PIK3C2A: variants seen among roughly 807,000 people sequenced by gnomAD.
PIK3C2A encodes phosphatidylinositol 4-phosphate 3-kinase C2 domain-containing subunit alpha.
A neutral mutation model predicts 204.5 loss-of-function variants in PIK3C2A; 97 were observed. That is an observed-to-expected ratio of 0.47 (90% CI 0.40 to 0.56). The LOEUF is 0.56. PIK3C2A is among the 20% of genes least tolerant of loss of function. The probability of loss-of-function intolerance (pLI) is 0.00; values close to 1 mark genes in which losing one functional copy is unlikely to be tolerated. For synonymous variants in PIK3C2A, 653 were observed against 664.4 expected (o/e 0.98, Z 0.26); for missense variants, 1,735 against 1,969.2 (o/e 0.88, Z 2.25).
At chr11:17,107,274 T>C (rs981384846) in intron 22 of PIK3C2A, among the ~76,000 whole-genome samples, 16 of 151,968 alleles carry the variant, frequency 1.1e-4, no homozygotes, top group East Asian at 5.8e-4. Flanking sequence ...GATGGCGCCA[T>C]TGCACTCCAG....
intron 7 of PIK3C2A, 52 bp from the exon 8 acceptor site, chr11:17,145,783 T>G (rs758309237): frequency 6.4e-7 from 1 of 1,552,024 alleles, no homozygotes; most frequent in Non-Finnish European, 8.9e-7. Flanking sequence ...ACAAAATGAT[T>G]GTTTTCATCA....
intron 8 of PIK3C2A, chr11:17,141,185 T>A (rs1040606575): frequency 1.3e-5 from 2 of 152,210 alleles, no homozygotes; most frequent in African/African-American, 4.8e-5. Flanking sequence ...GATCTAACAC[T>A]TTTTAAAGGA....
At chr11:17,158,575 G>C (rs942514539) in intron 2 of PIK3C2A, among the ~76,000 whole-genome samples, 6 of 151,878 alleles carry the variant, frequency 4.0e-5, no homozygotes, top group African/African-American at 1.5e-4. Flanking sequence ...AATGTCACAT[G>C]CTTAATCACC....
chr11:17,100,709 A>G (rs901041241), intron 25 of PIK3C2A, among the ~76,000 whole-genome samples: 1 of 152,104 alleles, frequency 6.6e-6, no homozygotes, highest in African/African-American at 2.4e-5. Flanking sequence ...TCCAATGTCT[A>G]TTATTCTACT....
chr11:17,167,459 C>G (rs1192946661), intron 2 of PIK3C2A, among the ~76,000 whole-genome samples: 5 of 152,064 alleles, frequency 3.3e-5, no homozygotes, highest in Non-Finnish European at 7.4e-5. Context: ...CCGGTTTCTA[C>G]TAAAAATACA....
Position 17,155,524 on chromosome 11 carries a change from A to T in PIK3C2A, c.1169+2T>A. 6.6e-7 allele frequency: 1 copy of T among 1,518,778 alleles called. No individual in the cohort carries two copies. Among genetic ancestry groups the T allele is most frequent in the Non-Finnish European group, 9.1e-7 (1 of 1,103,490 alleles). The allele number at this position is 1,518,778 out of a possible 1,614,324, so 94.1% of individuals were successfully genotyped here. On this transcript the variant is annotated splice_donor_variant, in intron 3 of 32. Coordinates refer to ENST00000691414, the MANE Select transcript of PIK3C2A (RefSeq NM_002645.4). LOFTEE classifies it high-confidence loss of function. ...GAACATTTATAAAGAAAAATTCCTT[A>T]CTTTGTAATGGATCGACAAAAAGCT... is the stretch of plus-strand genomic sequence containing the variant.
intron 2 of PIK3C2A, 65 bp downstream of exon 2, chr11:17,168,612 T>G: frequency 8.8e-7 from 1 of 1,141,480 alleles, no homozygotes; most frequent in Non-Finnish European, 1.3e-6. Context: ...AAAACACAAA[T>G]TATGTACACA....
At chr11:17,108,313 C>T (rs771418447) in intron 22 of PIK3C2A, among the ~76,000 whole-genome samples, 15 of 152,170 alleles carry the variant, frequency 9.9e-5, no homozygotes, top group Non-Finnish European at 1.6e-4. Context: ...CAAAAATGTA[C>T]AAGTACATAG....
rs377045150 is a variant in PIK3C2A, at chr11:17,119,223, T to A, written c.2937A>T (p.Val979=). 1.7e-5 allele frequency: 26 copies of A among 1,572,552 alleles called. No individual in the cohort carries two copies. In the African/African-American group the frequency reaches 2.2e-4, roughly 13 times the overall value. The part of the protein sequence containing the change: ...DELTDLLPQF[V]QALKYEIYLN... ...GGTAATCTAGTAAAAAACTCACTTG[T>A]ACAAACTGTGGAAGAAGATCTGTTA... Residue 979 remains valine (V), a synonymous_variant, in exon 17 of 33, where the codon GTA becomes GTT. Transcript: ENST00000691414.
chr11:17,186,070 G>T (rs924772361), intron 1 of PIK3C2A, among the ~76,000 whole-genome samples: 3 of 152,184 alleles, frequency 2.0e-5, no homozygotes, highest in African/African-American at 7.2e-5. Context: ...CCATCACACT[G>T]GCCCCCTTGT....
intron 24 of PIK3C2A, among the ~76,000 whole-genome samples, 173 bp from the exon 25 acceptor site, chr11:17,101,607 CTT>C (rs768044410): frequency 9.3e-5 from 13 of 140,460 alleles, no homozygotes; most frequent in Non-Finnish European, 7.8e-5. Flanking sequence ...CTTTTTTTTT[CTT>C]TTTTTTTTTT....
intron 2 of PIK3C2A, among the ~76,000 whole-genome samples, chr11:17,166,206 G>C (rs990546307): frequency 6.6e-6 from 1 of 151,990 alleles, no homozygotes; most frequent in Non-Finnish European, 1.5e-5. Flanking sequence ...GGCCTCATAG[G>C]ATTCTTGTGA....
chr11:17,104,978 T>C (rs1848761241), intron 23 of PIK3C2A, among the ~76,000 whole-genome samples, 191 bp downstream of exon 23: 1 of 152,152 alleles, frequency 6.6e-6, no homozygotes, highest in Admixed American at 6.6e-5. Flanking sequence ...AATTTAGCAT[T>C]GGTTTCACTC....
chr11:17,115,399 G>A (rs975079355), intron 19 of PIK3C2A, among the ~76,000 whole-genome samples: 2 of 149,430 alleles, frequency 1.3e-5, no homozygotes, highest in Non-Finnish European at 3.0e-5. Context: ...AAAAAAGACA[G>A]GCATGGTGGC....
chr11:17,178,397 T>C (rs966194692), intron 1 of PIK3C2A, among the ~76,000 whole-genome samples: 2 of 152,246 alleles, frequency 1.3e-5, no homozygotes, highest in African/African-American at 4.8e-5. Context: ...ACAAAAAACA[T>C]GGTGAACAAG....
intron 3 of PIK3C2A, among the ~76,000 whole-genome samples, chr11:17,154,390 T>C (rs994871751): frequency 2.0e-5 from 3 of 152,254 alleles, no homozygotes; most frequent in Non-Finnish European, 2.9e-5. Context: ...TAATAAAATA[T>C]CACCAATGGT....
intron 1 of PIK3C2A, among the ~76,000 whole-genome samples, chr11:17,178,092 C>CA (rs750346823): frequency 0.01 from 669 of 63,838 alleles, 23 homozygotes; most frequent in African/African-American, 0.018. Context: ...GACTCCATCT[C>CA]AAAAAAAAAA....
rs1345888850 is a variant in PIK3C2A at position 17,150,560 on chromosome 11, G to A, written c.1265C>T (p.Ala422Val). 6.2e-7 allele frequency: 1 copy of A among 1,611,420 alleles called. No individual in the cohort carries two copies. Among genetic ancestry groups the A allele is most frequent in the East Asian group, 2.2e-5 (1 of 44,652 alleles). The change falls in exon 4 of 33, where the codon GCT (alanine) becomes GTT (valine). Residue 422 changes from alanine to valine, a missense_variant. Around this residue, in one of 6 missense-constraint regions of PIK3C2A, gnomAD observed 536 missense variants for 546.7 expected, o/e 0.98. Coordinates refer to ENST00000691414, the MANE Select transcript of PIK3C2A (RefSeq NM_002645.4). ...AATGTCAATGGAGACCTTCACACTA[G>A]CATTTTCTCCGCATATGTTTCTTTG... ...TAQRNICGEN[A>V]SVKVSIDIEG...
intron 1 of PIK3C2A, among the ~76,000 whole-genome samples, chr11:17,184,853 G>A (rs1471433087): frequency 6.6e-6 from 1 of 152,082 alleles, no homozygotes; most frequent in Non-Finnish European, 1.5e-5. Flanking sequence ...TGAGGTGGGA[G>A]GATCATTTGA....
Sources: allele counts gnomAD v4.1 joint callset (sites outside exome capture counted in the v4.1 genomes callset), GRCh38; gene constraint gnomAD v4.1.1; regional missense constraint gnomAD v4.1.1; transcripts MANE v1.5; gene names NCBI Gene and HGNC (gene_info 2026-07-23, HGNC 2026-07-21).